The following NTAQ1 variants were observed in gnomAD, a reference collection of about 807,000 sequenced individuals.
The protein encoded by NTAQ1 is N-terminal glutamine amidase 1.
In NTAQ1, 21 loss-of-function variants were observed where a neutral mutation model predicts 28.2. The ratio of observed to expected loss-of-function variants is 0.74; its 90% confidence interval spans 0.53 to 1.07. The LOEUF is 1.07. Among genes scored for constraint, NTAQ1 ranks in the 50% least tolerant of loss-of-function variants. The pLI is 0.00. For synonymous variants in NTAQ1, 105 were observed against 90.0 expected, an observed-to-expected ratio of 1.17 and a Z score of -0.94; for missense variants, 264 against 256.6, an observed-to-expected ratio of 1.03 and a Z score of -0.20.
downstream of NTAQ1, among the ~76,000 whole-genome samples, chr8:123,470,184 T>C (rs1368450649): frequency 2.0e-5 from 3 of 152,192 alleles, no homozygotes. Flanking sequence ...TGGACCTTGA[T>C]TTTGAAATTT....
intron 3 of NTAQ1, among the ~76,000 whole-genome samples, chr8:123,432,524 A>G (rs1233809442): frequency 1.3e-5 from 2 of 151,826 alleles, no homozygotes; most frequent in East Asian, 3.9e-4. Context: ...AGTCCCAGCT[A>G]CTTGGGTGCC....
chr8:123,474,679 C>T (rs781750522), downstream of NTAQ1, among the ~76,000 whole-genome samples: 9 of 152,152 alleles, frequency 5.9e-5, no homozygotes, highest in East Asian at 1.9e-4. Context: ...CCAAGGTGGG[C>T]GGATCACTTG....
chr8:123,434,695 G>A (rs1400612539), intron 3 of NTAQ1, among the ~76,000 whole-genome samples: 2 of 152,108 alleles, frequency 1.3e-5, no homozygotes, highest in African/African-American at 4.8e-5. Context: ...TTTGGATAAG[G>A]CGGAGATTCT....
At chr8:123,418,407 C>A (rs981733788) in intron 1 of NTAQ1, among the ~76,000 whole-genome samples, 1 of 148,882 alleles carries the variant, frequency 6.7e-6, no homozygotes, top group Non-Finnish European at 1.5e-5. Flanking sequence ...GCTGATGCCA[C>A]TGCCCCTTCC....
chr8:123,417,013 C>A (rs1813338620), intron 1 of NTAQ1, 81 bp downstream of exon 1: 1 of 1,334,154 alleles, frequency 7.5e-7, no homozygotes, highest in South Asian at 1.6e-5. Context: ...TCTTCCCGGC[C>A]CCTCCTCGGG....
chr8:123,419,962 A>C (rs1403774452), intron 1 of NTAQ1, among the ~76,000 whole-genome samples: 1 of 152,050 alleles, frequency 6.6e-6, no homozygotes, highest in Admixed American at 6.6e-5. Context: ...CAGGTTTGTT[A>C]CATGGGTAAA....
chr8:123,428,871 G>A (rs1024765244), intron 2 of NTAQ1, among the ~76,000 whole-genome samples: 7 of 152,028 alleles, frequency 4.6e-5, no homozygotes, highest in Non-Finnish European at 1.5e-5. Flanking sequence ...CAATGTGGTG[G>A]GATTACCAGC....
At position 123,462,811 on chromosome 8, in the gene NTAQ1, T is replaced by C. The variant is rs187951800; in HGVS notation, c.373-4268T>C. Among the ~76,000 whole-genome samples the C allele has an allele frequency of 2.0e-3, 308 of 152,298 alleles. 1 individual carries two copies. Among genetic ancestry groups the C allele is most frequent in the Non-Finnish European group, 3.3e-3 (224 of 68,028 alleles). Reference sequence around the variant, plus strand: ...CAAGCATGCCCCCAATTCACCAGAATTGAAACTCAAGATTTTGACACCATA... The same window carrying C: ...CAAGCATGCCCCCAATTCACCAGAACTGAAACTCAAGATTTTGACACCATA... On this transcript the variant is annotated intron_variant, in intron 6 of 6. Coordinates refer to the NTAQ1 transcript ENST00000650311.
intron 4 of NTAQ1, 61 bp from the exon 5 acceptor site, chr8:123,437,149 T>G: frequency 6.3e-7 from 1 of 1,594,590 alleles, no homozygotes; most frequent in Non-Finnish European, 8.6e-7. Flanking sequence ...GATATAAAAA[T>G]GGAGTTAGAA....
chr8:123,441,194 G>T, intron 5 of NTAQ1, 112 bp from the exon 6 acceptor site: 1 of 751,870 alleles, frequency 1.3e-6, no homozygotes. Flanking sequence ...GTGACATTGA[G>T]CCCTTATCCA....
chr8:123,419,271 G>A (rs201150704), intron 1 of NTAQ1, among the ~76,000 whole-genome samples: 7 of 151,868 alleles, frequency 4.6e-5, no homozygotes, highest in Admixed American at 2.6e-4. Flanking sequence ...GCTAATTTTC[G>A]TATTTTTAGT....
intron 6 of NTAQ1, among the ~76,000 whole-genome samples, chr8:123,456,324 C>A (rs1346011323): frequency 6.6e-6 from 1 of 152,142 alleles, no homozygotes; most frequent in Non-Finnish European, 1.5e-5. Context: ...CTTGCTCTGT[C>A]GCTCAGGCTG....
At chr8:123,431,337 CAAA>C (rs35552563) in intron 3 of NTAQ1, among the ~76,000 whole-genome samples, 35,328 of 124,032 alleles carry the variant, frequency 0.28, 4,675 homozygotes, top group South Asian at 0.41. Flanking sequence ...AACTCCATAT[CAAA>C]AAAAAAAAAA....
intron 1 of NTAQ1, among the ~76,000 whole-genome samples, chr8:123,421,997 A>T (rs1389262133): frequency 2.6e-5 from 4 of 151,824 alleles, no homozygotes; most frequent in Non-Finnish European, 5.9e-5. Flanking sequence ...TGTATTTTTA[A>T]TAGAGACAAT....
intron 6 of NTAQ1, among the ~76,000 whole-genome samples, chr8:123,466,692 A>G (rs564016896): frequency 2.6e-5 from 4 of 152,200 alleles, no homozygotes; most frequent in Admixed American, 6.6e-5. Flanking sequence ...TGGATGTGCA[A>G]ATATCTCTTT....
intron 3 of NTAQ1, among the ~76,000 whole-genome samples, chr8:123,432,051 A>T (rs1461512169): frequency 6.6e-6 from 1 of 152,116 alleles, no homozygotes. Context: ...AAGTCTCCCC[A>T]CACCCTCTGG....
At chr8:123,428,584 T>TG (rs1554652019) in intron 2 of NTAQ1, among the ~76,000 whole-genome samples, 1,569 of 151,862 alleles carry the variant, frequency 0.01, 25 homozygotes, top group African/African-American at 0.035. Context: ...ACCTGTTTTT[T>TG]TTTGTTTGTT....
chr8:123,448,151 C>G (rs1231120984), downstream of NTAQ1: 1 of 152,214 alleles, frequency 6.6e-6, no homozygotes, highest in Non-Finnish European at 1.5e-5. Context: ...AGTTGCATGC[C>G]TGCCTAAATA....
chr8:123,417,352 A>G (rs989171005), intron 1 of NTAQ1, among the ~76,000 whole-genome samples: 4 of 152,128 alleles, frequency 2.6e-5, no homozygotes, highest in African/African-American at 7.2e-5. Flanking sequence ...AGCACTTGCT[A>G]TATGCCACGC....
Sources: allele counts gnomAD v4.1 joint callset (sites outside exome capture counted in the v4.1 genomes callset), GRCh38; gene constraint gnomAD v4.1.1; transcripts MANE v1.5; gene names NCBI Gene and HGNC (gene_info 2026-07-23, HGNC 2026-07-21).